The following MROH9 variants were observed in gnomAD, a reference collection of about 807,000 sequenced individuals.
The protein encoded by MROH9 is maestro heat like repeat family member 9.
MROH9 carries 92 observed loss-of-function variants against 98.2 expected under a neutral mutation model. The ratio of observed to expected loss-of-function variants is 0.94; its 90% CI spans 0.79 to 1.11. MROH9 has a LOEUF of 1.11. MROH9 is among the 50% of genes most tolerant of loss of function. The pLI is 0.00. For synonymous variants in MROH9, 397 were observed against 368.9 expected (o/e 1.08, Z -0.87); for missense variants, 1,057 against 1,014.8 (o/e 1.04, Z -0.57).
chr1:170,943,217 T>C (rs111636552), intron 1 of MROH9, among the ~76,000 whole-genome samples: 1 of 152,020 alleles, frequency 6.6e-6, no homozygotes, highest in Admixed American at 6.6e-5. Flanking sequence ...ATCTATAAAA[T>C]GTGATTTCAA....
At chr1:171,017,655 T>C (rs1652372790) in intron 17 of MROH9, among the ~76,000 whole-genome samples, 1 of 151,992 alleles carries the variant, frequency 6.6e-6, no homozygotes, top group South Asian at 2.1e-4. Flanking sequence ...TAAGCCCCCA[T>C]GGTGGGGGTA....
At chr1:170,987,973 C>T (rs1348668394) in intron 10 of MROH9, among the ~76,000 whole-genome samples, 1 of 152,184 alleles carries the variant, frequency 6.6e-6, no homozygotes. Flanking sequence ...TTCACATCAT[C>T]GGTCCCCTGG....
At chr1:171,018,221 G>A (rs1044828849) in intron 17 of MROH9, among the ~76,000 whole-genome samples, 7 of 152,064 alleles carry the variant, frequency 4.6e-5, no homozygotes, top group Non-Finnish European at 8.8e-5. Context: ...CAGATTCCTC[G>A]AGTGACATCT....
intron 14 of MROH9, among the ~76,000 whole-genome samples, chr1:170,997,007 G>T (rs535985425): frequency 6.6e-6 from 1 of 152,118 alleles, no homozygotes; most frequent in East Asian, 1.9e-4. Context: ...ACTTGAAACA[G>T]GTCCAGTAAA....
intron 3 of MROH9, among the ~76,000 whole-genome samples, chr1:170,956,469 T>G (rs1649760558): frequency 6.6e-6 from 1 of 152,180 alleles, no homozygotes; most frequent in Non-Finnish European, 1.5e-5. Context: ...TTTCCTTTTG[T>G]TTGTGTCATC....
chr1:171,028,993 A>T (rs1652820001), intron 20 of MROH9, among the ~76,000 whole-genome samples: 2 of 151,616 alleles, frequency 1.3e-5, no homozygotes. Flanking sequence ...CTGTTTGAAT[A>T]CTCTTTATTT....
chr1:171,003,654 T>C (rs1315241494), intron 15 of MROH9, among the ~76,000 whole-genome samples: 1 of 152,102 alleles, frequency 6.6e-6, no homozygotes, highest in African/African-American at 2.4e-5. Flanking sequence ...TGGTGGAGGG[T>C]GCAATGGACT....
At chr1:171,019,709 C>T (rs768711806) in intron 17 of MROH9, among the ~76,000 whole-genome samples, 1 of 150,874 alleles carries the variant, frequency 6.6e-6, no homozygotes, top group Non-Finnish European at 1.5e-5. Context: ...ATTAAAAGAG[C>T]TAAAGAAGCA....
chr1:170,943,105 T>A (rs77144712), intron 1 of MROH9, among the ~76,000 whole-genome samples: 7,594 of 151,998 alleles, frequency 0.05, 214 homozygotes, highest in Admixed American at 0.065. Context: ...CTAAACAAAT[T>A]TTTTACAAGA....
intron 21 of MROH9, among the ~76,000 whole-genome samples, chr1:171,063,694 T>C (rs1470029964): frequency 6.6e-6 from 1 of 152,250 alleles, no homozygotes; most frequent in Non-Finnish European, 1.5e-5. Context: ...TTAATATGTA[T>C]GTAGCATTTC....
chr1:170,985,182 A>C (rs1160760351), intron 9 of MROH9, among the ~76,000 whole-genome samples: 2 of 152,148 alleles, frequency 1.3e-5, no homozygotes, highest in Non-Finnish European at 2.9e-5. Context: ...TAATAGTGTC[A>C]CTCATGGGAA....
At chr1:171,051,622 T>C (rs999496337) in intron 20 of MROH9, among the ~76,000 whole-genome samples, 41 of 152,064 alleles carry the variant, frequency 2.7e-4, no homozygotes, top group African/African-American at 7.5e-4. Flanking sequence ...AGAGGATAAA[T>C]AGCTAATGCA....
At chr1:171,037,443 T>A (rs979657209) in intron 20 of MROH9, among the ~76,000 whole-genome samples, 1 of 151,826 alleles carries the variant, frequency 6.6e-6, no homozygotes, top group Non-Finnish European at 1.5e-5. Context: ...ATTGCAAACA[T>A]TACTGAAGGA....
chr1:170,977,641 G>A (rs544299737), intron 8 of MROH9, among the ~76,000 whole-genome samples: 1 of 152,268 alleles, frequency 6.6e-6, no homozygotes, highest in South Asian at 2.1e-4. Context: ...TGCCCCGAAA[G>A]CATGGGCTCC....
intron 15 of MROH9, among the ~76,000 whole-genome samples, chr1:170,999,330 C>T (rs1320594943): frequency 6.6e-6 from 1 of 152,080 alleles, no homozygotes; most frequent in Admixed American, 6.6e-5. Flanking sequence ...ACTCTTTCCC[C>T]CAAGTCCCCA....
chr1:170,968,616 C>T (rs1377486641), intron 7 of MROH9, among the ~76,000 whole-genome samples: 1 of 152,114 alleles, frequency 6.6e-6, no homozygotes, highest in East Asian at 1.9e-4. Context: ...GGCTTTGTGG[C>T]TCATGCCTAT....
At chr1:171,052,398 G>A (rs1653698116) in intron 20 of MROH9, among the ~76,000 whole-genome samples, 1 of 152,174 alleles carries the variant, frequency 6.6e-6, no homozygotes, top group Non-Finnish European at 1.5e-5. Flanking sequence ...AGCACCCAGT[G>A]ATGTGCCTGT....
At chr1:170,985,752 C>T (rs746835993) in intron 9 of MROH9, among the ~76,000 whole-genome samples, 12 of 149,244 alleles carry the variant, frequency 8.0e-5, no homozygotes, top group Non-Finnish European at 1.3e-4. Flanking sequence ...TTGGTTACCC[C>T]CCTCTAATTT....
chr1:171,054,871 G>A (rs564990166), intron 20 of MROH9, among the ~76,000 whole-genome samples: 5 of 152,242 alleles, frequency 3.3e-5, no homozygotes, highest in Non-Finnish European at 5.9e-5. Context: ...TGGTGTGGAT[G>A]TGGTGAAAAG....
Sources: gnomAD v4.1 joint callset for allele counts (sites outside exome capture counted in the v4.1 genomes callset) on GRCh38, gnomAD v4.1.1 for gene constraint, MANE v1.5 for transcripts, NCBI Gene and HGNC (gene_info 2026-07-23, HGNC 2026-07-21) for gene names.